SPTBN4: variants seen among roughly 807,000 people sequenced by gnomAD.
SPTBN4 encodes spectrin beta chain, non-erythrocytic 4.
SPTBN4 carries 96 observed loss-of-function variants against 277.8 expected under a neutral mutation model. That is an observed-to-expected ratio of 0.35 (90% CI 0.29 to 0.41). SPTBN4 has a LOEUF of 0.41. Among genes scored for constraint, SPTBN4 ranks in the 10% least tolerant of loss-of-function variants. The pLI is 1.00. For missense variants in SPTBN4, 3,006 were observed against 3,595.7 expected, an observed-to-expected ratio of 0.84 and a Z score of 4.19; for synonymous variants, 1,481 against 1,580.3, an observed-to-expected ratio of 0.94 and a Z score of 1.49.
At chr19:40,541,966 G>T (rs1310756664) in intron 20 of SPTBN4, among the ~76,000 whole-genome samples, 1 of 151,852 alleles carries the variant, frequency 6.6e-6, no homozygotes, top group African/African-American at 2.4e-5. Flanking sequence ...CTGTCACCCA[G>T]GCTGGAGTGC....
At chr19:40,536,322 T>C (rs1599778218) in intron 20 of SPTBN4, among the ~76,000 whole-genome samples, 1 of 152,238 alleles carries the variant, frequency 6.6e-6, no homozygotes, top group East Asian at 1.9e-4. Flanking sequence ...CAAGCAGTTC[T>C]CCTGCCTCAG....
In SPTBN4 at chr19:40,515,314, C is replaced by T. The variant is rs774512968; in HGVS notation, c.2769C>T (p.Phe923=). The T allele has an allele frequency of 5.5e-5, 88 of 1,612,456 alleles. No homozygotes were observed. Among genetic ancestry groups the T allele is most frequent in the Non-Finnish European group, 7.3e-5 (86 of 1,179,470 alleles). Residue 923 remains phenylalanine (F), a synonymous_variant, in exon 15 of 36, where the codon TTC becomes TTT. Transcript: ENST00000598249. The surrounding 1 kb of genome is among the most constrained non-coding windows in gnomAD (Gnocchi z 4.1). ...LDDVEVVQHR[F]ESLDQEMNSL... is the part of the protein sequence containing the mutation. ...GAGCATCTCCATCCTCCTGCAGATT[C>T]GAGAGCCTGGACCAAGAGATGAACA...
chr19:40,484,849 G>A (rs934294483), intron 2 of SPTBN4, among the ~76,000 whole-genome samples: 10 of 151,794 alleles, frequency 6.6e-5, no homozygotes, highest in Admixed American at 1.3e-4. Flanking sequence ...GAAGAATGGC[G>A]TGAACCCGGG....
chr19:40,488,620 C>T (rs2080100353), intron 3 of SPTBN4, among the ~76,000 whole-genome samples: 1 of 152,024 alleles, frequency 6.6e-6, no homozygotes, highest in African/African-American at 2.4e-5. Flanking sequence ...ATGAGACCCC[C>T]GTCTCTACGG....
In SPTBN4 at chr19:40,512,670, G is replaced by C; in HGVS notation, c.1881G>C (p.Ala627=). 2 of 1,533,670 alleles carry C rather than the reference G, an allele frequency of 1.3e-6. No individual in the cohort carries two copies. Among genetic ancestry groups the C allele is most frequent in the Non-Finnish European group, 8.7e-7 (1 of 1,147,026 alleles). The change falls in exon 14 of 36, where the codon GCG becomes GCC. Residue 627 remains alanine (A), a synonymous_variant. Coordinates refer to ENST00000598249, the MANE Select transcript of SPTBN4 (RefSeq NM_020971.3). ...TGAACCACGTGCACGGCTGCCTGGC[G>C]GAGCTGCAGGAGCAGGCAGCGCGGC... is the stretch of plus-strand genomic sequence containing the variant. ...NRVNHVHGCL[A]ELQEQAARRR... is the part of the protein sequence containing the mutation.
chr19:40,545,235 A>G (rs1276251893), intron 20 of SPTBN4, among the ~76,000 whole-genome samples: 1 of 151,940 alleles, frequency 6.6e-6, no homozygotes. Context: ...AGCTGGGATT[A>G]CAGGCGTGCA....
At chr19:40,574,551 G>A (rs1264122639) in intron 35 of SPTBN4, among the ~76,000 whole-genome samples, 9 of 151,718 alleles carry the variant, frequency 5.9e-5, no homozygotes, top group African/African-American at 1.5e-4. Flanking sequence ...TAGTAGAGAC[G>A]GGGTTTCTCC....
At chr19:40,525,359 G>A (rs1238446636) in intron 17 of SPTBN4, among the ~76,000 whole-genome samples, 1 of 121,838 alleles carries the variant, frequency 8.2e-6, no homozygotes, top group African/African-American at 3.2e-5. Flanking sequence ...ATCTTACTCT[G>A]TTGCCCAGGC....
At chr19:40,545,763 C>T (rs1188253914) in intron 20 of SPTBN4, among the ~76,000 whole-genome samples, 1 of 151,920 alleles carries the variant, frequency 6.6e-6, no homozygotes. Flanking sequence ...CAGAATTGGC[C>T]AGGCGTGGTG....
chr19:40,537,959 G>T (rs2080757041), intron 20 of SPTBN4, among the ~76,000 whole-genome samples: 1 of 152,236 alleles, frequency 6.6e-6, no homozygotes, highest in African/African-American at 2.4e-5. Flanking sequence ...CGGGGAAGCT[G>T]CAGGAAGCAT....
intron 34 of SPTBN4, 28 bp downstream of exon 34, chr19:40,572,220 G>C (rs1278078059): frequency 6.3e-7 from 1 of 1,594,590 alleles, no homozygotes; most frequent in Admixed American, 1.7e-5. Context: ...CAGGAGGGAG[G>C]GATCCAAGGC....
In SPTBN4 at chr19:40,554,943, G is replaced by A. The variant is rs1010264684; in HGVS notation, c.5084+297G>A. Reference sequence around the variant, plus strand: ...GTAGAGAAGAATTTACTCAGGACAGGCAAGGGGCTCTTTCTACTCAGTGTC... The same window carrying A: ...GTAGAGAAGAATTTACTCAGGACAGACAAGGGGCTCTTTCTACTCAGTGTC... On this transcript the variant is annotated intron_variant, in intron 24 of 35. Coordinates refer to ENST00000598249, the MANE Select transcript of SPTBN4 (RefSeq NM_020971.3). This position sits in a 1 kb window ranked among gnomAD's most constrained non-coding sequence, Gnocchi z 5.7. The A allele has an allele frequency of 1.7e-5, 6 of 347,262 alleles. No homozygotes were observed. The highest frequency in any genetic ancestry group is 1.7e-4 in the South Asian group (6 of 34,804). 21.5% of individuals were successfully genotyped at this position (347,262 alleles called of 1,614,324 possible).
chr19:40,474,873 C>G (rs547196742), intron 2 of SPTBN4, among the ~76,000 whole-genome samples: 3 of 151,992 alleles, frequency 2.0e-5, no homozygotes, highest in African/African-American at 4.8e-5. Context: ...TCCTAAGTGA[C>G]AAGAGCTTAA....
intron 7 of SPTBN4, among the ~76,000 whole-genome samples, chr19:40,498,373 T>TTTTATTTATTTA (rs372763000): frequency 1.4e-3 from 199 of 141,162 alleles, no homozygotes; most frequent in Middle Eastern, 3.6e-3. Flanking sequence ...TTTTATTTTA[T>TTTTATTTATTTA]TTTATTTATT....
rs1196803659 is a variant in SPTBN4, at chr19:40,490,076, C to T, written c.323C>T (p.Pro108Leu). The T allele has an allele frequency of 1.2e-6, 2 of 1,606,574 alleles. No individual in the cohort carries two copies. Among genetic ancestry groups the T allele is most frequent in the East Asian group, 4.5e-5 (2 of 44,566 alleles). Residue 108 changes from proline to leucine, a missense_variant and splice_region_variant, in exon 4 of 36, where the codon CCC becomes CTC. Pro to Leu is a moderately conservative substitution (Grantham distance 98, BLOSUM62 -3). Coordinates refer to ENST00000598249, the MANE Select transcript of SPTBN4 (RefSeq NM_020971.3). This position sits in a 1 kb window ranked among gnomAD's most constrained non-coding sequence, Gnocchi z 4.3. ...LLEVLSGEQL[P>L]RPTRGRMRIH... is the part of the protein sequence containing the mutation. Reference sequence around the variant, plus strand: ...CGCCCACCGCCCCTGTCGCCCTAGCCCAGGCCCACGCGCGGCCGCATGCGG... The same window carrying T: ...CGCCCACCGCCCCTGTCGCCCTAGCTCAGGCCCACGCGCGGCCGCATGCGG...
intron 20 of SPTBN4, 101 bp downstream of exon 20, chr19:40,534,444 C>A: frequency 2.9e-6 from 4 of 1,399,272 alleles, no homozygotes; most frequent in Non-Finnish European, 3.8e-6. Context: ...GGATTTAATA[C>A]AGGGATTTAT....
At chr19:40,555,489 C>CAAAAAAAAAAAAAAAAAAAAAA (rs56045928) in intron 24 of SPTBN4, among the ~76,000 whole-genome samples, 1 of 74,904 alleles carries the variant, frequency 1.3e-5, no homozygotes, top group African/African-American at 5.5e-5. Context: ...GACTCCGTCT[C>CAAAAAAAAAAAAAAAAAAAAAA]AAAAAAAAAA....
chr19:40,568,695 T>TG (rs1203625282), intron 31 of SPTBN4, among the ~76,000 whole-genome samples: 1 of 152,034 alleles, frequency 6.6e-6, no homozygotes, highest in East Asian at 1.9e-4. Context: ...CCTTATGAAG[T>TG]GGGGGCTGTT....
intron 27 of SPTBN4, among the ~76,000 whole-genome samples, 178 bp from the exon 28 acceptor site, chr19:40,565,245 A>G (rs913429024): frequency 2.0e-5 from 3 of 151,630 alleles, no homozygotes; most frequent in Non-Finnish European, 4.4e-5. Context: ...AGCCTGGGCC[A>G]TAGGGTGAGA....
Sources: gnomAD v4.1 joint callset for allele counts (sites outside exome capture counted in the v4.1 genomes callset) on GRCh38, gnomAD v4.1.1 for gene constraint, Gnocchi (gnomAD v3.1) non-coding constraint, MANE v1.5 for transcripts, NCBI Gene and HGNC (gene_info 2026-07-23, HGNC 2026-07-21) for gene names.